Variants in ZNF804B observed in about 807,000 individuals in gnomAD.
The protein encoded by ZNF804B is zinc finger protein 804B.
In ZNF804B, 80 loss-of-function variants were observed where a neutral mutation model predicts 101.4. The observed-to-expected ratio is 0.79, with a 90% CI of 0.66 to 0.95. The LOEUF (loss-of-function observed/expected upper bound fraction) is 0.95. Among genes scored for constraint, ZNF804B ranks in the 40% least tolerant of loss-of-function variants. The pLI, the probability that ZNF804B is intolerant of heterozygous loss-of-function variation, is 0.00. For synonymous variants in ZNF804B, 622 were observed against 558.8 expected, an observed-to-expected ratio of 1.11 and a Z score of -1.59; for missense variants, 1,673 against 1,561.9, an observed-to-expected ratio of 1.07 and a Z score of -1.20.
At chr7:89,195,740 C>G (rs1420126406) in intron 1 of ZNF804B, among the ~76,000 whole-genome samples, 2 of 151,804 alleles carry the variant, frequency 1.3e-5, no homozygotes, top group Non-Finnish European at 1.5e-5. Flanking sequence ...AAATTTCTAG[C>G]ATTTCTATAC....
chr7:89,246,644 C>T (rs1270125954), intron 2 of ZNF804B, among the ~76,000 whole-genome samples: 1 of 151,946 alleles, frequency 6.6e-6, no homozygotes, highest in East Asian at 1.9e-4. Context: ...CCATTTCATT[C>T]TTCCTGGCAA....
At chr7:89,008,031 A>C (rs1366955891) in intron 1 of ZNF804B, among the ~76,000 whole-genome samples, 1 of 152,124 alleles carries the variant, frequency 6.6e-6, no homozygotes. Context: ...GTGCAAGTTA[A>C]CTTCTACTTT....
intron 1 of ZNF804B, among the ~76,000 whole-genome samples, chr7:89,074,630 G>A (rs1341863588): frequency 2.0e-5 from 3 of 152,140 alleles, no homozygotes; most frequent in African/African-American, 7.2e-5. Flanking sequence ...TTTATCAGCA[G>A]CATGAAAATG....
chr7:89,272,415 T>G lies in ZNF804B; in HGVS notation c.249+54120T>G, dbSNP rs564251716. 2.0e-5 allele frequency among the ~76,000 whole-genome samples: 3 copies of G among 152,222 alleles called. No homozygotes were observed. In the East Asian group the frequency reaches 5.8e-4, roughly 29 times the overall value. On this transcript the variant is annotated intron_variant, in intron 2 of 3. Transcript: ENST00000333190. ...TTTGTTAAAATTGATTAATTAAAAT[T>G]TATGTCTTAATTAGCCTAACGTAGT...
At chr7:88,974,257 TATATC>T (rs1282227275) in intron 1 of ZNF804B, among the ~76,000 whole-genome samples, 1 of 147,032 alleles carries the variant, frequency 6.8e-6, no homozygotes, top group Non-Finnish European at 1.5e-5. Flanking sequence ...TATATGAAAA[TATATC>T]AGATATAAAT....
intron 1 of ZNF804B, among the ~76,000 whole-genome samples, chr7:89,011,538 G>A (rs1005247034): frequency 2.6e-5 from 4 of 152,086 alleles, no homozygotes; most frequent in African/African-American, 9.7e-5. Flanking sequence ...AGATACAATA[G>A]AGATACAGGC....
rs966008113 is a variant in ZNF804B at position 88,929,198 on chromosome 7, A to G, written c.108+169114A>G. Among the ~76,000 whole-genome samples the G allele has an allele frequency of 3.6e-4, 55 of 152,018 alleles. 1 individual carries two copies. The Middle Eastern group carries it at 0.01, about 28-fold the overall frequency. ...GCCATCAATAGAAATTTAACTCCCA[A>G]GCCTCCTAATTAGTATTAAAAACGG... is the stretch of plus-strand genomic sequence containing the variant. On this transcript the variant is annotated intron_variant, in intron 1 of 3. Transcript: ENST00000333190.
intron 1 of ZNF804B, among the ~76,000 whole-genome samples, chr7:88,992,003 C>T (rs1273259242): frequency 6.6e-6 from 1 of 152,168 alleles, no homozygotes; most frequent in African/African-American, 2.4e-5. Flanking sequence ...CCACAATTCT[C>T]AGGTATCATA....
Position 89,138,359 on chromosome 7 carries a change from A to C in ZNF804B, c.109-79796A>C, listed in dbSNP as rs189046297. ...ACCTGGATGTGAGATACGGAGTCAA[A>C]GGAGATCATTTTGCAGCTTTACGAT... On this transcript the variant is annotated intron_variant, in intron 1 of 3. Transcript: ENST00000333190. Among the ~76,000 whole-genome samples, 58 of 152,242 alleles carry C rather than the reference A, an allele frequency of 3.8e-4. No homozygotes were observed. The East Asian group carries it at 0.011, about 28-fold the overall frequency.
At chr7:89,316,490 T>A (rs1176027121) in intron 2 of ZNF804B, among the ~76,000 whole-genome samples, 1 of 151,928 alleles carries the variant, frequency 6.6e-6, no homozygotes, top group Non-Finnish European at 1.5e-5. Context: ...ACACACTTTT[T>A]TGGGGAGATT....
intron 2 of ZNF804B, among the ~76,000 whole-genome samples, chr7:89,265,299 T>TGCGCGCGC (rs72433209): frequency 7.1e-6 from 1 of 140,336 alleles, no homozygotes; most frequent in Non-Finnish European, 1.6e-5. Flanking sequence ...TGTGTGCGCG[T>TGCGCGCGC]GCGCGCGCGC....
At chr7:88,849,585 C>T (rs1218952041) in intron 1 of ZNF804B, among the ~76,000 whole-genome samples, 3 of 151,526 alleles carry the variant, frequency 2.0e-5, no homozygotes, top group Admixed American at 2.0e-4. Context: ...CTGCAACCTC[C>T]ACCTCCTCAG....
intron 1 of ZNF804B, among the ~76,000 whole-genome samples, chr7:88,949,214 A>G (rs1793182241): frequency 6.6e-6 from 1 of 151,890 alleles, no homozygotes; most frequent in Non-Finnish European, 1.5e-5. Context: ...TTCTAGTCCA[A>G]GGTTTCTCAA....
intron 1 of ZNF804B, among the ~76,000 whole-genome samples, chr7:88,822,414 G>T (rs1012516530): frequency 6.6e-6 from 1 of 151,964 alleles, no homozygotes; most frequent in Non-Finnish European, 1.5e-5. Context: ...TATAGTTATC[G>T]CTAAATACAG....
intron 1 of ZNF804B, 64 bp downstream of exon 1, chr7:88,760,148 T>G (rs992146274): frequency 3.0e-6 from 4 of 1,346,204 alleles, no homozygotes; most frequent in African/African-American, 1.4e-5. Flanking sequence ...CAAAAAGATA[T>G]TGAGAGATAG....
Position 89,099,893 on chromosome 7 carries a change from G to A in ZNF804B, c.109-118262G>A, listed in dbSNP as rs79152993. On this transcript the variant is annotated intron_variant, in intron 1 of 3. Transcript: ENST00000333190. ...CTAACAACAAGAGTGACTTCATGTT[G>A]ATACCCAGACTGGTACCATCCTTGA... is the stretch of plus-strand genomic sequence containing the variant. 1.2e-4 allele frequency among the ~76,000 whole-genome samples: 18 copies of A among 152,252 alleles called. No individual in the cohort carries two copies. In the East Asian group the frequency reaches 3.5e-3, roughly 29 times the overall value.
chr7:88,774,169 G>C (rs1790109961), intron 1 of ZNF804B, among the ~76,000 whole-genome samples: 1 of 150,306 alleles, frequency 6.7e-6, no homozygotes, highest in Non-Finnish European at 1.5e-5. Context: ...TTTTTATCTA[G>C]AGACTTTTCA....
intron 1 of ZNF804B, among the ~76,000 whole-genome samples, chr7:88,988,263 A>G (rs994611214): frequency 3.3e-5 from 5 of 152,050 alleles, no homozygotes; most frequent in Non-Finnish European, 5.9e-5. Flanking sequence ...GGATTCACAT[A>G]CAAATAAATG....
intron 1 of ZNF804B, among the ~76,000 whole-genome samples, chr7:88,977,081 T>A (rs1584049923): frequency 6.6e-6 from 1 of 151,888 alleles, no homozygotes; most frequent in East Asian, 1.9e-4. Flanking sequence ...CTGCGATAGA[T>A]CTCACTTGGT....
Sources: allele counts gnomAD v4.1 joint callset (sites outside exome capture counted in the v4.1 genomes callset), GRCh38; gene constraint gnomAD v4.1.1; transcripts MANE v1.5; gene names NCBI Gene and HGNC (gene_info 2026-07-23, HGNC 2026-07-21).